The following KCTD16 variants were observed in gnomAD, a reference collection of about 807,000 sequenced individuals.
KCTD16 encodes the protein potassium channel tetramerization domain containing 16.
In KCTD16, 13 loss-of-function variants were observed where a neutral mutation model predicts 33.2. The observed-to-expected ratio is 0.39, with a 90% CI of 0.25 to 0.62. KCTD16 has a LOEUF of 0.62. Among genes scored for constraint, KCTD16 ranks in the 20% least tolerant of loss-of-function variants. The pLI, the probability that KCTD16 is intolerant of heterozygous loss-of-function variation, is 0.50. For missense variants in KCTD16, 441 were observed against 525.1 expected (o/e 0.84, Z 1.57); for synonymous variants, 197 against 195.3 (o/e 1.01, Z -0.07).
Position 144,377,093 on chromosome 5 carries a change from ATTTCCTCCAACAGG to A in KCTD16, c.833-96565_833-96552del, listed in dbSNP as rs1752109558. Among the ~76,000 whole-genome samples the A allele has an allele frequency of 2.0e-5, 3 of 152,068 alleles. No individual in the cohort carries two copies. The South Asian group carries it at 6.2e-4, about 32-fold the overall frequency. The stretch of plus-strand genomic sequence containing the variant: ...TTTTATCAAACTCATTTCCTACCCC[ATTTCCTCCAACAGG>A]TCTGCAATTATAGCTCTCCAATGCT... On this transcript the variant is annotated intron_variant, in intron 3 of 3. Transcript: ENST00000512467.
chr5:144,349,635 G>A (rs563963694), intron 3 of KCTD16, among the ~76,000 whole-genome samples: 69 of 152,278 alleles, frequency 4.5e-4, no homozygotes, highest in South Asian at 1.0e-3. Context: ...AGAAGATGGA[G>A]AAGGGCCTGG....
chr5:144,396,605 G>A (rs1752572381), intron 3 of KCTD16, among the ~76,000 whole-genome samples: 1 of 152,116 alleles, frequency 6.6e-6, no homozygotes, highest in Non-Finnish European at 1.5e-5. Flanking sequence ...AAAGAGGTAA[G>A]CACAGAAGCT....
intron 3 of KCTD16, among the ~76,000 whole-genome samples, chr5:144,292,587 A>G (rs1474755672): frequency 1.3e-5 from 2 of 152,184 alleles, no homozygotes; most frequent in Non-Finnish European, 2.9e-5. Context: ...CCACGTTTGA[A>G]CTAACATCAA....
chr5:144,451,331 C>CACCACAGAAGAGAT lies in KCTD16; in HGVS notation c.833-22315_833-22302dup, dbSNP rs1159158603. Among the ~76,000 whole-genome samples the CACCACAGAAGAGAT allele has an allele frequency of 2.0e-5, 3 of 152,178 alleles. No homozygotes were observed. The East Asian group carries it at 5.8e-4, about 29-fold the overall frequency. On this transcript the variant is annotated intron_variant, in intron 3 of 3. Transcript: ENST00000512467. ...AATCTTATACCTGAGATATAAGAGA[C>CACCACAGAAGAGAT]ACCACAGAAGAGATACCACAGAAGA...
intron 3 of KCTD16, among the ~76,000 whole-genome samples, chr5:144,242,544 T>C (rs1264044267): frequency 3.9e-5 from 6 of 152,202 alleles, no homozygotes; most frequent in African/African-American, 1.4e-4. Context: ...TATTGGTATG[T>C]TATTGTCTTA....
chr5:144,345,426 C>T (rs1752770502), intron 3 of KCTD16, among the ~76,000 whole-genome samples: 1 of 152,014 alleles, frequency 6.6e-6, no homozygotes, highest in African/African-American at 2.4e-5. Flanking sequence ...TTATAGGCTG[C>T]CTACATATTA....
At chr5:144,305,371 G>T (rs1751573799) in intron 3 of KCTD16, among the ~76,000 whole-genome samples, 1 of 152,180 alleles carries the variant, frequency 6.6e-6, no homozygotes, top group Admixed American at 6.5e-5. Context: ...TGTATTTGGA[G>T]ATAGGATCAT....
intron 3 of KCTD16, among the ~76,000 whole-genome samples, chr5:144,363,232 C>G (rs1751755856): frequency 6.6e-6 from 1 of 152,080 alleles, no homozygotes; most frequent in Non-Finnish European, 1.5e-5. Flanking sequence ...ATCCCAGTTA[C>G]TCTGGAGGCT....
intron 3 of KCTD16, among the ~76,000 whole-genome samples, chr5:144,315,409 A>G (rs754508923): frequency 6.6e-5 from 10 of 152,180 alleles, no homozygotes; most frequent in Non-Finnish European, 1.5e-4. Context: ...ACTTATTTCT[A>G]AAATATAAAT....
chr5:144,395,069 C>T (rs1238251572), intron 3 of KCTD16, among the ~76,000 whole-genome samples: 2 of 152,192 alleles, frequency 1.3e-5, no homozygotes, highest in African/African-American at 2.4e-5. Context: ...AGGCCCACCT[C>T]AGTCCAACTG....
intron 3 of KCTD16, among the ~76,000 whole-genome samples, chr5:144,372,799 T>C (rs29900): frequency 0.21 from 32,118 of 152,160 alleles, 3,878 homozygotes; most frequent in Non-Finnish European, 0.27. Context: ...AAATGCCAGA[T>C]AATGAAATAC....
chr5:144,417,300 ATTATAC>A (rs1242401297), intron 3 of KCTD16, among the ~76,000 whole-genome samples: 1 of 152,138 alleles, frequency 6.6e-6, no homozygotes, highest in Non-Finnish European at 1.5e-5. Flanking sequence ...AAAATATATT[ATTATAC>A]TTATATTAGT....
chr5:144,351,368 T>A (rs1448029962), intron 3 of KCTD16, among the ~76,000 whole-genome samples: 1 of 152,184 alleles, frequency 6.6e-6, no homozygotes, highest in Non-Finnish European at 1.5e-5. Context: ...TCACATCGTA[T>A]CTGTGAGAAT....
At chr5:144,230,534 AT>A (rs1754071596) in intron 3 of KCTD16, among the ~76,000 whole-genome samples, 1 of 152,206 alleles carries the variant, frequency 6.6e-6, no homozygotes, top group African/African-American at 2.4e-5. Flanking sequence ...TTAAAAATGT[AT>A]AAAATGTGGG....
intron 3 of KCTD16, among the ~76,000 whole-genome samples, chr5:144,342,693 C>T (rs558503684): frequency 6.6e-6 from 1 of 152,272 alleles, no homozygotes; most frequent in Admixed American, 6.5e-5. Context: ...TTTGCCCATT[C>T]AGTACGATAT....
At position 144,205,254 on chromosome 5, in the gene KCTD16, C is replaced by T. The variant is rs951032927; in HGVS notation, c.-326-1135C>T. The T allele has an allele frequency of 2.9e-5, 9 of 309,848 alleles. 1 individual carries two copies. The highest frequency in any genetic ancestry group is 6.4e-5 in the African/African-American group (3 of 46,574). 19.2% of individuals were successfully genotyped at this position (309,848 alleles called of 1,614,324 possible). A position where few individuals can be genotyped will look rare whatever the true frequency, so the allele number is the denominator to read the frequency against. On this transcript the variant is annotated intron_variant, in intron 2 of 3. Transcript: ENST00000512467. ...GCCCACCGCCGGAGCGCGGCGTCCC[C>T]GTGCAGTCCTGGCAACCTGTCACCG...
chr5:144,325,930 C>T (rs1387365675), intron 3 of KCTD16, among the ~76,000 whole-genome samples: 1 of 152,112 alleles, frequency 6.6e-6, no homozygotes, highest in Non-Finnish European at 1.5e-5. Context: ...CATGTAGGGG[C>T]TCTGCAATAT....
chr5:144,441,103 C>T (rs2126977093), intron 3 of KCTD16, among the ~76,000 whole-genome samples: 1 of 152,212 alleles, frequency 6.6e-6, no homozygotes, highest in Non-Finnish European at 1.5e-5. Context: ...GTTCATTTTT[C>T]ATTGGGTTAT....
chr5:144,344,814 A>G (rs1371956820), intron 3 of KCTD16, among the ~76,000 whole-genome samples: 2 of 150,416 alleles, frequency 1.3e-5, no homozygotes, highest in Non-Finnish European at 3.0e-5. Flanking sequence ...TCAGGGATCT[A>G]GAACTAGAAA....
Sources: gnomAD v4.1 joint callset for allele counts (sites outside exome capture counted in the v4.1 genomes callset) on GRCh38, gnomAD v4.1.1 for gene constraint, MANE v1.5 for transcripts, NCBI Gene and HGNC (gene_info 2026-07-23, HGNC 2026-07-21) for gene names.